The following CCDC85C variants were observed in gnomAD, a reference collection of about 807,000 sequenced individuals.
CCDC85C encodes coiled-coil domain-containing protein 85C.
Under a neutral mutation model 38.3 loss-of-function variants are expected in CCDC85C, and 18 were observed. The ratio of observed to expected loss-of-function variants is 0.47; its 90% CI spans 0.33 to 0.70. CCDC85C has a LOEUF of 0.70. Among genes scored for constraint, CCDC85C ranks in the 30% least tolerant of loss-of-function variants. CCDC85C has a pLI of 0.03. For missense variants in CCDC85C, 566 were observed against 621.2 expected, an observed-to-expected ratio of 0.91 and a Z score of 0.94; for synonymous variants, 264 against 293.8, an observed-to-expected ratio of 0.90 and a Z score of 1.04.
Position 99,521,602 on chromosome 14 carries a change from A to T in CCDC85C, c.975+531T>A, listed in dbSNP as rs561691372. Among the ~76,000 whole-genome samples, 7 of 152,276 alleles carry T rather than the reference A, an allele frequency of 4.6e-5. No individual in the cohort carries two copies. In the East Asian group the frequency reaches 1.4e-3, roughly 29 times the overall value. On this transcript the variant is annotated intron_variant, in intron 3 of 5. Coordinates refer to ENST00000380243, the MANE Select transcript of CCDC85C (RefSeq NM_001144995.2). ...ACAAGGCAAGGCCCCCAGTCCTAGG[A>T]GGGCAAGTGGGCCTGGACTCCTGTG... is the stretch of plus-strand genomic sequence containing the variant.
chr14:99,565,945 C>T (rs79899280), intron 1 of CCDC85C, among the ~76,000 whole-genome samples: 1 of 152,238 alleles, frequency 6.6e-6, no homozygotes, highest in Non-Finnish European at 1.5e-5. Flanking sequence ...AGGGCTGCTG[C>T]GCCCGTCTGC....
In CCDC85C at chr14:99,544,673, A is replaced by T. The variant is rs960384755; in HGVS notation, c.794-8585T>A. Among the ~76,000 whole-genome samples the T allele has an allele frequency of 7.9e-5, 12 of 151,984 alleles. No homozygotes were observed. Among genetic ancestry groups the T allele is most frequent in the African/African-American group, 2.9e-4 (12 of 41,356 alleles). On this transcript the variant is annotated intron_variant, in intron 1 of 5. Coordinates refer to ENST00000380243, the MANE Select transcript of CCDC85C (RefSeq NM_001144995.2). This position sits in a 1 kb window ranked among gnomAD's most constrained non-coding sequence, Gnocchi z 5.3. Reference sequence around the variant, plus strand: ...CAGGGCCCAGGCTCCAGGGAGCGTCACTCTGAACTCCATTATCCTTGACCC... The same window carrying T: ...CAGGGCCCAGGCTCCAGGGAGCGTCTCTCTGAACTCCATTATCCTTGACCC...
At chr14:99,537,150 G>GCCAGCCCAGACC (rs1175278947) in intron 1 of CCDC85C, among the ~76,000 whole-genome samples, 1 of 152,162 alleles carries the variant, frequency 6.6e-6, no homozygotes, top group African/African-American at 2.4e-5. Flanking sequence ...TGGCCCAGAT[G>GCCAGCCCAGACC]CCAGCCCAGA....
At position 99,558,480 on chromosome 14, in the gene CCDC85C, G is replaced by A. The variant is rs577152203; in HGVS notation, c.794-22392C>T. ...TACTAAAAATACAAAAATTAGCTGG[G>A]CGTGGTGGCAGTTGCCTGTAATCCC... On this transcript the variant is annotated intron_variant, in intron 1 of 5. Transcript: ENST00000380243. This position sits in a 1 kb window ranked among gnomAD's most constrained non-coding sequence, Gnocchi z 4.2. 1.3e-5 allele frequency among the ~76,000 whole-genome samples: 2 copies of A among 152,248 alleles called. No homozygotes were observed. Among genetic ancestry groups the A allele is most frequent in the East Asian group, 3.9e-4 (2 of 5,176 alleles).
At chr14:99,551,688 G>A (rs569077782) in intron 1 of CCDC85C, among the ~76,000 whole-genome samples, 1 of 147,908 alleles carries the variant, frequency 6.8e-6, no homozygotes, top group East Asian at 2.0e-4. Context: ...GTGGGTGAGA[G>A]GTGAGTGTGC....
At chr14:99,554,330 C>T (rs1897970951) in intron 1 of CCDC85C, among the ~76,000 whole-genome samples, 2 of 152,206 alleles carry the variant, frequency 1.3e-5, no homozygotes, top group Admixed American at 6.5e-5. Flanking sequence ...TAGGGAGATA[C>T]ACCCCCACCC....
At position 99,520,280 on chromosome 14, in the gene CCDC85C, G is replaced by T. The variant is rs1463074433; in HGVS notation, c.975+1853C>A. Among the ~76,000 whole-genome samples the T allele has an allele frequency of 1.3e-5, 2 of 152,136 alleles. No individual in the cohort carries two copies. Among genetic ancestry groups the T allele is most frequent in the East Asian group, 3.9e-4 (2 of 5,172 alleles). ...GGATAACCCCCTCACTCTCCCCGGGGGTCCAAGTGCCAGACATGGGCTCTC... is the reference window on the plus strand; with the variant it reads ...GGATAACCCCCTCACTCTCCCCGGGTGTCCAAGTGCCAGACATGGGCTCTC... On this transcript the variant is annotated intron_variant, in intron 3 of 5. Transcript: ENST00000380243. This position sits in a 1 kb window ranked among gnomAD's most constrained non-coding sequence, Gnocchi z 4.1.
chr14:99,510,183 T>G lies in CCDC85C; in HGVS notation c.*5063A>C. 6.3e-7 allele frequency: 1 copy of G among 1,599,268 alleles called. No homozygotes were observed. The highest frequency in any genetic ancestry group is 8.5e-7 in the Non-Finnish European group (1 of 1,176,036). ...CCGGAAGCCTCCCCTCGCTGCTGCCTTAGGTGAGGCTGAGCCGCCGGGCCC... is the reference window on the plus strand; with the variant it reads ...CCGGAAGCCTCCCCTCGCTGCTGCCGTAGGTGAGGCTGAGCCGCCGGGCCC... On this transcript the variant is annotated 3_prime_UTR_variant, in exon 6 of 6. Coordinates refer to ENST00000380243, the MANE Select transcript of CCDC85C (RefSeq NM_001144995.2).
rs549101614 is a variant in CCDC85C, at chr14:99,575,189, G to A, written c.793+27978C>T. On this transcript the variant is annotated intron_variant, in intron 1 of 5. Transcript: ENST00000380243. ...TGAGTTCCCGTACACAGGAGTCTTC[G>A]TGGGGTGAGGCCGCGTCCTGGCCCT... Among the ~76,000 whole-genome samples, 26 of 152,322 alleles carry A rather than the reference G, an allele frequency of 1.7e-4. 1 individual carries two copies. The South Asian group carries it at 3.5e-3, about 21-fold the overall frequency.
Position 99,511,013 on chromosome 14 carries a change from C to A in CCDC85C, c.*4233G>T. 2.7e-6 allele frequency: 1 copy of A among 366,438 alleles called. No individual in the cohort carries two copies. Among genetic ancestry groups the A allele is most frequent in the Non-Finnish European group, 4.8e-6 (1 of 206,280 alleles). 22.7% of individuals were successfully genotyped at this position (366,438 alleles called of 1,614,324 possible). A position where few individuals can be genotyped will look rare whatever the true frequency, so the allele number is the denominator to read the frequency against. On this transcript the variant is annotated 3_prime_UTR_variant, in exon 6 of 6. Coordinates refer to ENST00000380243, the MANE Select transcript of CCDC85C (RefSeq NM_001144995.2). ...TGCCCTTGCAGTCTGACTGTGTACA[C>A]TTGGTTCAGCTAATGTCTGAGAGTC...
intron 1 of CCDC85C, among the ~76,000 whole-genome samples, chr14:99,554,007 C>T (rs1897964311): frequency 6.6e-6 from 1 of 152,202 alleles, no homozygotes; most frequent in African/African-American, 2.4e-5. Flanking sequence ...GCGGGAGGGA[C>T]AGGACTGTGT....
intron 1 of CCDC85C, among the ~76,000 whole-genome samples, chr14:99,583,275 C>T (rs1254624930): frequency 2.6e-5 from 4 of 152,198 alleles, no homozygotes; most frequent in African/African-American, 7.2e-5. Flanking sequence ...GAGGCCAAGG[C>T]GGATGGATTG....
chr14:99,555,770 C>T (rs1342868492), intron 1 of CCDC85C, among the ~76,000 whole-genome samples: 1 of 152,230 alleles, frequency 6.6e-6, no homozygotes, highest in South Asian at 2.1e-4. Context: ...ACCAAGACAT[C>T]TGCATGTCTC....
In CCDC85C at chr14:99,505,237, G is replaced by T. The variant is rs1465563146; in HGVS notation, c.*10009C>A. 2 of 152,338 alleles carry T rather than the reference G, an allele frequency of 1.3e-5. No individual in the cohort carries two copies. Among genetic ancestry groups the T allele is most frequent in the Non-Finnish European group, 2.9e-5 (2 of 68,146 alleles). The allele number at this position is 152,338 out of a possible 1,614,324, so 9.4% of individuals were successfully genotyped here. ...GGGAGAATCTTGCTGGCACTCATGG[G>T]AAACATGGTGGCCTCAGCATGCTGG... On this transcript the variant is annotated 3_prime_UTR_variant, in exon 6 of 6. Coordinates refer to ENST00000380243, the MANE Select transcript of CCDC85C (RefSeq NM_001144995.2).
intron 1 of CCDC85C, among the ~76,000 whole-genome samples, chr14:99,551,777 T>C (rs34193966): frequency 0.54 from 80,991 of 151,022 alleles, 21,838 homozygotes; most frequent in African/African-American, 0.59. Context: ...GGCAGGTGAG[T>C]GCAGGCTGAG....
At position 99,575,550 on chromosome 14, in the gene CCDC85C, T is replaced by C. The variant is rs146219125; in HGVS notation, c.793+27617A>G. Among the ~76,000 whole-genome samples the C allele has an allele frequency of 2.6e-3, 390 of 152,296 alleles. 5 individuals carry two copies. The highest frequency in any genetic ancestry group is 9.1e-3 in the African/African-American group (379 of 41,566). ...CACCAAAGGAAATCACCCACAAACA[T>C]ATGTGACCACTAACTTTCTTCCCCT... is the stretch of plus-strand genomic sequence containing the variant. On this transcript the variant is annotated intron_variant, in intron 1 of 5. Transcript: ENST00000380243.
chr14:99,574,266 C>G (rs1298494304), intron 1 of CCDC85C, among the ~76,000 whole-genome samples: 1 of 151,548 alleles, frequency 6.6e-6, no homozygotes, highest in African/African-American at 2.4e-5. Flanking sequence ...GGAAGCTCAA[C>G]AAAGAAGTGA....
intron 1 of CCDC85C, among the ~76,000 whole-genome samples, chr14:99,568,035 C>T (rs558442156): frequency 3.3e-5 from 5 of 152,012 alleles, no homozygotes; most frequent in Non-Finnish European, 7.4e-5. Flanking sequence ...GGAACTGAAG[C>T]AGGTCTAGAT....
At chr14:99,564,980 A>AG (rs1483714416) in intron 1 of CCDC85C, among the ~76,000 whole-genome samples, 1 of 152,158 alleles carries the variant, frequency 6.6e-6, no homozygotes, top group Non-Finnish European at 1.5e-5. Flanking sequence ...CAGCTGCCAC[A>AG]GGGGGCAACC....
Sources: allele counts gnomAD v4.1 joint callset (sites outside exome capture counted in the v4.1 genomes callset), GRCh38; gene constraint gnomAD v4.1.1; non-coding constraint Gnocchi (gnomAD v3.1); transcripts MANE v1.5; gene names NCBI Gene and HGNC (gene_info 2026-07-23, HGNC 2026-07-21).